Variants in UBE2G1 observed in about 807,000 individuals in gnomAD.
The protein encoded by UBE2G1 is ubiquitin conjugating enzyme E2 G1, also known as ubiquitin-conjugating enzyme E2 G1.
In UBE2G1, 5 loss-of-function variants were observed where a neutral mutation model predicts 22.7. The observed-to-expected ratio is 0.22, with a 90% CI of 0.12 to 0.46. The LOEUF (loss-of-function observed/expected upper bound fraction) is 0.46. Ranked by LOEUF, UBE2G1 falls within the 20% of genes least tolerant of loss-of-function variation. The pLI is 0.99. For synonymous variants in UBE2G1, 74 were observed against 67.5 expected (o/e 1.10, Z -0.47); for missense variants, 88 against 203.9 (o/e 0.43, Z 3.46).
chr17:4,320,128 G>T (rs1033373245), intron 1 of UBE2G1, among the ~76,000 whole-genome samples: 1 of 151,706 alleles, frequency 6.6e-6, no homozygotes, highest in South Asian at 2.1e-4. Context: ...CTGTATTGTC[G>T]TAATTTTACA....
chr17:4,336,495 C>G (rs76728053), intron 1 of UBE2G1, among the ~76,000 whole-genome samples: 1 of 152,042 alleles, frequency 6.6e-6, no homozygotes, highest in African/African-American at 2.4e-5. Context: ...TGTTATAAAA[C>G]TATATATACC....
chr17:4,281,142 C>T (rs191862683), intron 5 of UBE2G1, among the ~76,000 whole-genome samples: 61 of 152,254 alleles, frequency 4.0e-4, no homozygotes, highest in African/African-American at 1.3e-3. Context: ...ACAAACACCC[C>T]TACACCAATT....
At chr17:4,299,651 A>C (rs1041451992) in intron 2 of UBE2G1, among the ~76,000 whole-genome samples, 1 of 152,160 alleles carries the variant, frequency 6.6e-6, no homozygotes, top group Non-Finnish European at 1.5e-5. Context: ...ACCAAATTCA[A>C]CTAAAAGAGT....
intron 1 of UBE2G1, among the ~76,000 whole-genome samples, chr17:4,326,776 T>C (rs1327263667): frequency 1.3e-5 from 2 of 152,230 alleles, no homozygotes; most frequent in East Asian, 1.9e-4. Context: ...GAAATTATGA[T>C]ACATTCTACA....
At chr17:4,299,733 A>G (rs73972423) in intron 2 of UBE2G1, among the ~76,000 whole-genome samples, 9,717 of 151,924 alleles carry the variant, frequency 0.064, 1,071 homozygotes, top group African/African-American at 0.22. Flanking sequence ...AAGCAACCAT[A>G]GCATTTCTGA....
chr17:4,302,496 T>C, intron 2 of UBE2G1: 1 of 464,388 alleles, frequency 2.2e-6, no homozygotes, highest in South Asian at 1.7e-5. Context: ...TTCAGAATCT[T>C]GGGGTGGCCA....
intron 1 of UBE2G1, among the ~76,000 whole-genome samples, chr17:4,322,657 A>T (rs924200398): frequency 6.6e-6 from 1 of 152,204 alleles, no homozygotes; most frequent in Non-Finnish European, 1.5e-5. Flanking sequence ...GAGGCCTAGG[A>T]AAGTACAAAC....
chr17:4,354,857 G>T (rs954413152), intron 1 of UBE2G1, among the ~76,000 whole-genome samples: 1 of 152,002 alleles, frequency 6.6e-6, no homozygotes, highest in Non-Finnish European at 1.5e-5. Flanking sequence ...GGTTCACTTG[G>T]GTCTGGGAGA....
intron 1 of UBE2G1, among the ~76,000 whole-genome samples, chr17:4,363,204 T>C (rs1969988856): frequency 6.6e-6 from 1 of 152,174 alleles, no homozygotes; most frequent in Non-Finnish European, 1.5e-5. Context: ...TACATTTCAA[T>C]TAAAATTCAT....
chr17:4,343,504 C>CA (rs375106096), intron 1 of UBE2G1, among the ~76,000 whole-genome samples: 1 of 150,916 alleles, frequency 6.6e-6, no homozygotes, highest in Admixed American at 6.6e-5. Flanking sequence ...GACTCCATCT[C>CA]AAAAAAAAAT....
intron 1 of UBE2G1, among the ~76,000 whole-genome samples, chr17:4,321,139 G>T (rs913610277): frequency 6.6e-6 from 1 of 151,836 alleles, no homozygotes; most frequent in African/African-American, 2.4e-5. Flanking sequence ...AATAGAGGAA[G>T]ACCCCATCTT....
intron 4 of UBE2G1, among the ~76,000 whole-genome samples, chr17:4,283,386 G>C (rs990765354): frequency 6.6e-6 from 1 of 152,196 alleles, no homozygotes; most frequent in African/African-American, 2.4e-5. Flanking sequence ...TGTAATCCCA[G>C]CTACTCAGGA....
chr17:4,271,689 A>G lies in UBE2G1; in HGVS notation c.*865T>C, dbSNP rs982323181. 7 of 149,202 alleles carry G rather than the reference A, an allele frequency of 4.7e-5. No homozygotes were observed. Among genetic ancestry groups the G allele is most frequent in the African/African-American group, 1.7e-4 (7 of 40,168 alleles). The allele number at this position is 149,202 out of a possible 1,614,324, so 9.2% of individuals were successfully genotyped here. A position where few individuals can be genotyped will look rare whatever the true frequency, so the allele number is the denominator to read the frequency against. On this transcript the variant is annotated 3_prime_UTR_variant, in exon 6 of 6. Coordinates refer to ENST00000396981, the MANE Select transcript of UBE2G1 (RefSeq NM_003342.5). ...GCTTCATTTATCCAACCTTAATACCAGGCAACTGAAGAGGGAAAAGTCAGA... is the reference window on the plus strand; with the variant it reads ...GCTTCATTTATCCAACCTTAATACCGGGCAACTGAAGAGGGAAAAGTCAGA...
At chr17:4,315,886 A>G (rs1021204085) in intron 1 of UBE2G1, among the ~76,000 whole-genome samples, 1 of 142,856 alleles carries the variant, frequency 7.0e-6, no homozygotes, top group African/African-American at 2.6e-5. Context: ...AGCTCACTAC[A>G]AGCTCCACCT....
chr17:4,346,358 C>T (rs929900291), intron 1 of UBE2G1, among the ~76,000 whole-genome samples: 9 of 151,472 alleles, frequency 5.9e-5, no homozygotes, highest in African/African-American at 9.7e-5. Flanking sequence ...ATAGCTAATA[C>T]ACTTGTTTTG....
chr17:4,286,698 A>G (rs992280464), intron 4 of UBE2G1, among the ~76,000 whole-genome samples: 1 of 152,154 alleles, frequency 6.6e-6, no homozygotes. Flanking sequence ...TTAATAAAGT[A>G]ATTTTTGCAT....
At chr17:4,323,825 G>A (rs554910205) in intron 1 of UBE2G1, among the ~76,000 whole-genome samples, 108 of 152,270 alleles carry the variant, frequency 7.1e-4, no homozygotes, top group Non-Finnish European at 1.3e-3. Flanking sequence ...TTACAGGTGT[G>A]AGCCACTGCA....
intron 1 of UBE2G1, among the ~76,000 whole-genome samples, chr17:4,344,175 C>A (rs888724274): frequency 6.6e-5 from 10 of 152,148 alleles, no homozygotes; most frequent in African/African-American, 2.2e-4. Flanking sequence ...AAAAAGCAAT[C>A]AAGAGTTAAG....
chr17:4,312,588 C>T (rs1204361530), intron 1 of UBE2G1, among the ~76,000 whole-genome samples: 3 of 146,972 alleles, frequency 2.0e-5, no homozygotes, highest in African/African-American at 5.0e-5. Flanking sequence ...CCCAGCTACT[C>T]GGGAGGCTGA....
Sources: allele counts gnomAD v4.1 joint callset (sites outside exome capture counted in the v4.1 genomes callset), GRCh38; gene constraint gnomAD v4.1.1; transcripts MANE v1.5; gene names NCBI Gene and HGNC (gene_info 2026-07-23, HGNC 2026-07-21).